The following ITGB8 variants were observed in gnomAD, a reference collection of about 807,000 sequenced individuals.
ITGB8 encodes integrin beta-8.
ITGB8 carries 30 observed loss-of-function variants against 89.5 expected under a neutral mutation model. That is an observed-to-expected ratio of 0.34 (90% CI 0.25 to 0.45). The LOEUF (loss-of-function observed/expected upper bound fraction) is 0.45, where lower values mean the gene tolerates loss of function less well. Ranked by LOEUF, ITGB8 falls within the 20% of genes least tolerant of loss-of-function variation. The probability of loss-of-function intolerance (pLI) is 1.00; values close to 1 mark genes in which losing one functional copy is unlikely to be tolerated. For synonymous variants in ITGB8, 335 were observed against 320.4 expected (o/e 1.05, Z -0.49); for missense variants, 836 against 933.3 (o/e 0.90, Z 1.36).
rs1418805444 is a variant in ITGB8 at position 20,410,636 on chromosome 7, T to C, written c.*639T>C. On this transcript the variant is annotated 3_prime_UTR_variant, in exon 14 of 14. Coordinates refer to ENST00000222573, the MANE Select transcript of ITGB8 (RefSeq NM_002214.3). Reference sequence around the variant, plus strand: ...GCAAGATGGATACTAATTCCAGCATTCTCTCCTCTTTGCCTTTATGTTTTG... The same window carrying C: ...GCAAGATGGATACTAATTCCAGCATCCTCTCCTCTTTGCCTTTATGTTTTG... 1 of 152,616 alleles carries C rather than the reference T, an allele frequency of 6.6e-6. No homozygotes were observed. The highest frequency in any genetic ancestry group is 1.9e-4 in the East Asian group (1 of 5,204). The allele number at this position is 152,616 out of a possible 1,614,324, so 9.5% of individuals were successfully genotyped here.
chr7:20,375,580 G>C (rs1786107543), intron 3 of ITGB8, among the ~76,000 whole-genome samples: 1 of 152,068 alleles, frequency 6.6e-6, no homozygotes, highest in Non-Finnish European at 1.5e-5. Context: ...ACTTACTTAG[G>C]TTACTTTCTG....
intron 6 of ITGB8, among the ~76,000 whole-genome samples, chr7:20,386,567 T>G (rs1222639774): frequency 6.6e-6 from 1 of 151,952 alleles, no homozygotes; most frequent in Non-Finnish European, 1.5e-5. Flanking sequence ...CTGAGAACAT[T>G]TTAATAGTAA....
At chr7:20,403,549 G>A (rs1787399118) in intron 10 of ITGB8, among the ~76,000 whole-genome samples, 1 of 152,194 alleles carries the variant, frequency 6.6e-6, no homozygotes, top group African/African-American at 2.4e-5. Flanking sequence ...ATGTTCACAG[G>A]CCTGCTGGCG....
intron 1 of ITGB8, among the ~76,000 whole-genome samples, chr7:20,344,322 G>A (rs1784853956): frequency 6.6e-6 from 1 of 152,058 alleles, no homozygotes; most frequent in African/African-American, 2.4e-5. Context: ...TTAAAATTTA[G>A]AGCCCTGATT....
chr7:20,399,984 T>C (rs1396754721), intron 9 of ITGB8, among the ~76,000 whole-genome samples: 1 of 152,182 alleles, frequency 6.6e-6, no homozygotes, highest in Non-Finnish European at 1.5e-5. Flanking sequence ...TATTGCAAGT[T>C]TCTAATTCTG....
intron 1 of ITGB8, among the ~76,000 whole-genome samples, chr7:20,338,125 T>G (rs74931069): frequency 0.11 from 16,427 of 152,170 alleles, 987 homozygotes; most frequent in East Asian, 0.34. Context: ...TAACTAGAAA[T>G]CTGGAGGTGA....
chr7:20,385,511 C>T (rs1396881696), intron 6 of ITGB8, among the ~76,000 whole-genome samples: 1 of 152,166 alleles, frequency 6.6e-6, no homozygotes, highest in Non-Finnish European at 1.5e-5. Flanking sequence ...CCTGCAGGCT[C>T]ATTTGGATAG....
intron 1 of ITGB8, among the ~76,000 whole-genome samples, chr7:20,347,621 G>A (rs1039733503): frequency 1.3e-5 from 2 of 152,182 alleles, no homozygotes; most frequent in Non-Finnish European, 2.9e-5. Context: ...GTAATTAATG[G>A]AATACATCAT....
At chr7:20,382,711 CA>C (rs1048999861) in intron 6 of ITGB8, among the ~76,000 whole-genome samples, 3 of 152,094 alleles carry the variant, frequency 2.0e-5, no homozygotes, top group African/African-American at 7.2e-5. Context: ...CCAAATAACT[CA>C]ACTATTTATG....
chr7:20,399,187 A>G (rs1440858448), intron 9 of ITGB8, 193 bp downstream of exon 9: 3 of 565,128 alleles, frequency 5.3e-6, no homozygotes, highest in Non-Finnish European at 9.3e-6. Context: ...GTTCTCTCCA[A>G]CTCTCAGGTT....
intron 3 of ITGB8, among the ~76,000 whole-genome samples, chr7:20,368,060 C>T (rs1785776393): frequency 6.6e-6 from 1 of 152,186 alleles, no homozygotes; most frequent in African/African-American, 2.4e-5. Context: ...TTGACACACT[C>T]CCTTCCCCAT....
chr7:20,354,948 T>A (rs996271985), intron 1 of ITGB8, among the ~76,000 whole-genome samples: 3 of 152,224 alleles, frequency 2.0e-5, no homozygotes, highest in African/African-American at 7.2e-5. Flanking sequence ...CAATACACTC[T>A]AATCATTTAT....
chr7:20,345,259 G>A (rs1035736596), intron 1 of ITGB8, among the ~76,000 whole-genome samples: 22 of 152,224 alleles, frequency 1.4e-4, no homozygotes, highest in East Asian at 5.8e-4. Flanking sequence ...AATCTAAGAT[G>A]TGCTAATTAT....
intron 6 of ITGB8, among the ~76,000 whole-genome samples, chr7:20,384,695 C>T (rs981367877): frequency 2.0e-5 from 3 of 152,150 alleles, no homozygotes; most frequent in Non-Finnish European, 4.4e-5. Context: ...CACAGTCTGT[C>T]GACTGAAATG....
intron 6 of ITGB8, among the ~76,000 whole-genome samples, chr7:20,388,138 A>G (rs1241831368): frequency 6.6e-6 from 1 of 152,200 alleles, no homozygotes; most frequent in African/African-American, 2.4e-5. Context: ...ATTGCCCCCA[A>G]TGAATCTTTC....
At chr7:20,337,907 G>T (rs866426688) in intron 1 of ITGB8, among the ~76,000 whole-genome samples, 1 of 152,184 alleles carries the variant, frequency 6.6e-6, no homozygotes, top group Admixed American at 6.5e-5. Flanking sequence ...CCTTCTGGGG[G>T]TAAACTGAGT....
At chr7:20,401,100 T>G (rs1191209614) in intron 9 of ITGB8, among the ~76,000 whole-genome samples, 1 of 152,042 alleles carries the variant, frequency 6.6e-6, no homozygotes, top group Non-Finnish European at 1.5e-5. Context: ...TCAGCCTCCC[T>G]CCCAAGTAGC....
At chr7:20,379,382 A>T (rs979670815) in intron 4 of ITGB8, 85 bp downstream of exon 4, 3 of 824,200 alleles carry the variant, frequency 3.6e-6, no homozygotes, top group Non-Finnish European at 5.1e-6. Flanking sequence ...AACTTACCAA[A>T]TTTTATATTT....
At position 20,404,636 on chromosome 7, in the gene ITGB8, G is replaced by A; in HGVS notation, c.1696G>A (p.Glu566Lys). ...CGGTGTCTTCCTCACAGGGCATGGA[G>A]AGTGTGAAGCAGGCAGATGCCAATG... is the stretch of plus-strand genomic sequence containing the variant. ...HHGNLCAGHGECEAGRCQCFS... is the reference protein window; with the variant it reads ...HHGNLCAGHGKCEAGRCQCFS... The change falls in exon 11 of 14, where the codon GAG (glutamate) becomes AAG (lysine). Residue 566 changes from glutamate to lysine, a missense_variant. Physicochemically the swap from Glu to Lys is moderately conservative, Grantham distance 56. Transcript: ENST00000222573. 1.9e-6 allele frequency: 3 copies of A among 1,613,748 alleles called. No individual in the cohort carries two copies. The highest frequency in any genetic ancestry group is 2.5e-6 in the Non-Finnish European group (3 of 1,179,802).
Sources: allele counts gnomAD v4.1 joint callset (sites outside exome capture counted in the v4.1 genomes callset), GRCh38; gene constraint gnomAD v4.1.1; transcripts MANE v1.5; gene names NCBI Gene and HGNC (gene_info 2026-07-23, HGNC 2026-07-21).